Variants in HDAC9 observed in about 807,000 individuals in gnomAD.
The protein encoded by HDAC9 is MEF-2 interacting transcription repressor (MITR) protein.
In HDAC9, 41 loss-of-function variants were observed where a neutral mutation model predicts 139.4. The ratio of observed to expected loss-of-function variants is 0.29; its 90% CI spans 0.23 to 0.38. The LOEUF (loss-of-function observed/expected upper bound fraction) is 0.38, where lower values mean the gene tolerates loss of function less well. HDAC9 is among the 10% of genes least tolerant of loss of function. HDAC9 has a pLI of 1.00. For synonymous variants in HDAC9, 517 were observed against 476.2 expected (o/e 1.09, Z -1.12); for missense variants, 1,147 against 1,297.0 (o/e 0.88, Z 1.78).
At chr7:18,322,179 C>A (rs1800078480) in intron 1 of HDAC9, among the ~76,000 whole-genome samples, 1 of 152,154 alleles carries the variant, frequency 6.6e-6, no homozygotes, top group Non-Finnish European at 1.5e-5. Context: ...AAACACTGTT[C>A]ATCTGTAAAG....
chr7:18,862,437 G>C (rs1585176042), intron 21 of HDAC9, among the ~76,000 whole-genome samples: 1 of 152,162 alleles, frequency 6.6e-6, no homozygotes, highest in South Asian at 2.1e-4. Flanking sequence ...CCCAAGTGGA[G>C]GCAGTGCCAA....
At chr7:18,594,153 C>A in intron 6 of HDAC9, 124 bp downstream of exon 6, 2 of 881,826 alleles carry the variant, frequency 2.3e-6, no homozygotes, top group South Asian at 1.7e-5. Flanking sequence ...CCCACCCCTG[C>A]CCCCAGCATA....
chr7:18,126,612 C>T (rs1784688175), intron 1 of HDAC9, among the ~76,000 whole-genome samples: 1 of 152,164 alleles, frequency 6.6e-6, no homozygotes, highest in Admixed American at 6.5e-5. Context: ...TGCTGAGTTA[C>T]CTTGAAATGC....
chr7:18,133,972 A>G (rs1189661920), intron 1 of HDAC9, among the ~76,000 whole-genome samples: 2 of 145,548 alleles, frequency 1.4e-5, no homozygotes, highest in Non-Finnish European at 3.0e-5. Flanking sequence ...CTAGCCTTTC[A>G]TCCATCTATT....
At chr7:18,524,930 T>C (rs1806330128) in intron 2 of HDAC9, among the ~76,000 whole-genome samples, 1 of 150,990 alleles carries the variant, frequency 6.6e-6, no homozygotes, top group African/African-American at 2.4e-5. Flanking sequence ...TATGGAAAAA[T>C]ATGTATACGC....
chr7:18,192,235 T>G (rs1470207607), intron 2 of HDAC9, among the ~76,000 whole-genome samples: 1 of 152,200 alleles, frequency 6.6e-6, no homozygotes, highest in African/African-American at 2.4e-5. Context: ...CCTTTATATT[T>G]GGCAGGTAGA....
intron 17 of HDAC9, among the ~76,000 whole-genome samples, chr7:18,815,004 C>G (rs1157945926): frequency 6.7e-6 from 1 of 148,750 alleles, no homozygotes; most frequent in Non-Finnish European, 1.5e-5. Context: ...GAAGGCACAT[C>G]TATTGTAGTA....
At chr7:18,573,267 A>T (rs1331047518) in intron 2 of HDAC9, among the ~76,000 whole-genome samples, 1 of 152,264 alleles carries the variant, frequency 6.6e-6, no homozygotes, top group Admixed American at 6.5e-5. Context: ...AATTCTTGTT[A>T]TAAAATGATT....
At chr7:18,155,887 G>C (rs959200259) in intron 1 of HDAC9, among the ~76,000 whole-genome samples, 8 of 152,168 alleles carry the variant, frequency 5.3e-5, no homozygotes, top group African/African-American at 1.7e-4. Context: ...AGAGCAGCAG[G>C]TGTCTGTTAC....
intron 1 of HDAC9, among the ~76,000 whole-genome samples, chr7:18,358,533 C>G (rs1362078204): frequency 6.6e-6 from 1 of 152,056 alleles, no homozygotes; most frequent in East Asian, 1.9e-4. Context: ...TAAGCAACTT[C>G]GAATGAGTGT....
At chr7:18,569,892 A>T (rs1248462866) in intron 2 of HDAC9, among the ~76,000 whole-genome samples, 1 of 152,188 alleles carries the variant, frequency 6.6e-6, no homozygotes, top group Non-Finnish European at 1.5e-5. Flanking sequence ...AGACCATCAC[A>T]GTCTATCTTT....
intron 17 of HDAC9, among the ~76,000 whole-genome samples, chr7:18,799,449 G>C (rs2588629): frequency 0.012 from 1,811 of 152,254 alleles, 32 homozygotes; most frequent in African/African-American, 0.041. Context: ...CCCTGAGTTA[G>C]CTCAGTTATC....
chr7:18,104,307 A>G (rs1363116248), intron 1 of HDAC9, among the ~76,000 whole-genome samples: 1 of 152,002 alleles, frequency 6.6e-6, no homozygotes, highest in African/African-American at 2.4e-5. Context: ...GCTTGAAAGG[A>G]CCAAGTGATC....
chr7:18,739,166 C>G (rs548564774), intron 13 of HDAC9, among the ~76,000 whole-genome samples: 2 of 152,242 alleles, frequency 1.3e-5, no homozygotes, highest in Non-Finnish European at 2.9e-5. Context: ...TTCATCTAAT[C>G]TTTTTTCAAG....
chr7:18,787,279 C>G (rs888926772), intron 16 of HDAC9, among the ~76,000 whole-genome samples: 2 of 152,132 alleles, frequency 1.3e-5, no homozygotes, highest in Non-Finnish European at 2.9e-5. Context: ...TCTACTCAAT[C>G]TCACCGAGTG....
At chr7:18,852,654 C>T (rs1245680598) in intron 21 of HDAC9, among the ~76,000 whole-genome samples, 3 of 152,194 alleles carry the variant, frequency 2.0e-5, no homozygotes, top group African/African-American at 7.2e-5. Flanking sequence ...AAACAATGGA[C>T]ACTGCACCAT....
chr7:18,331,021 A>T (rs1231818375), intron 1 of HDAC9, among the ~76,000 whole-genome samples: 1 of 151,686 alleles, frequency 6.6e-6, no homozygotes, highest in Admixed American at 6.6e-5. Flanking sequence ...ACCAATTAAT[A>T]ACTGGTTTCT....
chr7:18,815,103 A>T (rs1794465335), intron 17 of HDAC9, among the ~76,000 whole-genome samples: 1 of 152,098 alleles, frequency 6.6e-6, no homozygotes, highest in South Asian at 2.1e-4. Flanking sequence ...TCAAGTCATG[A>T]TTATTACTCT....
At chr7:18,901,493 G>A (rs1470133233) in intron 22 of HDAC9, among the ~76,000 whole-genome samples, 2 of 151,992 alleles carry the variant, frequency 1.3e-5, no homozygotes, top group African/African-American at 4.8e-5. Flanking sequence ...TTTGTTTCTG[G>A]TAAGCCTGTT....
Sources: allele counts gnomAD v4.1 joint callset (sites outside exome capture counted in the v4.1 genomes callset), GRCh38; gene constraint gnomAD v4.1.1; transcripts MANE v1.5; gene names NCBI Gene and HGNC (gene_info 2026-07-23, HGNC 2026-07-21).